The following LRMDA variants were observed in gnomAD, a reference collection of about 807,000 sequenced individuals.
LRMDA encodes leucine rich melanocyte differentiation associated.
In LRMDA, 18 loss-of-function variants were observed where a neutral mutation model predicts 29.8. The ratio of observed to expected loss-of-function variants is 0.60; its 90% CI spans 0.42 to 0.90. LRMDA has a LOEUF of 0.90. Ranked by LOEUF, LRMDA falls within the 40% of genes least tolerant of loss-of-function variation. The pLI is 0.00. For missense variants in LRMDA, 273 were observed against 273.9 expected, an observed-to-expected ratio of 1.00 and a Z score of 0.02; for synonymous variants, 125 against 109.4, an observed-to-expected ratio of 1.14 and a Z score of -0.89.
chr10:75,946,059 A>T (rs907849732), intron 2 of LRMDA, among the ~76,000 whole-genome samples: 5 of 152,210 alleles, frequency 3.3e-5, no homozygotes, highest in African/African-American at 1.2e-4. Context: ...TTCCCATGGG[A>T]GACATCAGAG....
chr10:75,621,947 C>T (rs1841193661), intron 2 of LRMDA, among the ~76,000 whole-genome samples: 1 of 152,168 alleles, frequency 6.6e-6, no homozygotes, highest in Admixed American at 6.5e-5. Flanking sequence ...ACTCTCTCTG[C>T]CTCTCACCAC....
intron 6 of LRMDA, among the ~76,000 whole-genome samples, chr10:76,393,438 C>T (rs1841746685): frequency 6.6e-6 from 1 of 152,030 alleles, no homozygotes; most frequent in Non-Finnish European, 1.5e-5. Flanking sequence ...ATTTTTTATA[C>T]ACCTGTTGAT....
rs371132399 is a variant in LRMDA, at chr10:76,034,842, C to T, written c.132-1166C>T. On this transcript the variant is annotated intron_variant, in intron 2 of 6. Coordinates refer to ENST00000611255, the MANE Select transcript of LRMDA (RefSeq NM_001305581.2). ...CTACGTGTCTCCCTCCCGTCCACAT[C>T]GTAGCTCAGCTGTCAGCCGGTGCAG... is the stretch of plus-strand genomic sequence containing the variant. Among the ~76,000 whole-genome samples, 15 of 152,296 alleles carry T rather than the reference C, an allele frequency of 9.8e-5. No individual in the cohort carries two copies. The East Asian group carries it at 1.5e-3, about 16-fold the overall frequency.
chr10:76,548,552 G>A (rs1052679356), intron 6 of LRMDA, among the ~76,000 whole-genome samples: 9 of 151,854 alleles, frequency 5.9e-5, no homozygotes, highest in African/African-American at 1.7e-4. Context: ...AGGGGTTGTT[G>A]GAGTAAGGAA....
At chr10:76,236,457 T>C (rs1274617251) in intron 5 of LRMDA, among the ~76,000 whole-genome samples, 1 of 152,230 alleles carries the variant, frequency 6.6e-6, no homozygotes, top group Non-Finnish European at 1.5e-5. Context: ...GCTAACCATT[T>C]TGAAGACCCC....
intron 2 of LRMDA, among the ~76,000 whole-genome samples, chr10:75,653,452 G>A (rs895863169): frequency 6.6e-6 from 1 of 152,298 alleles, no homozygotes; most frequent in Admixed American, 6.5e-5. Flanking sequence ...GATAAAGGAG[G>A]ACTCTAAATC....
At chr10:75,788,456 A>G (rs1843510755) in intron 2 of LRMDA, among the ~76,000 whole-genome samples, 1 of 152,244 alleles carries the variant, frequency 6.6e-6, no homozygotes, top group African/African-American at 2.4e-5. Flanking sequence ...GAAAAAGCAC[A>G]TGCTAGCTAG....
At chr10:75,504,014 C>T (rs182489551) in intron 2 of LRMDA, among the ~76,000 whole-genome samples, 22 of 92,706 alleles carry the variant, frequency 2.4e-4, no homozygotes, top group Non-Finnish European at 3.4e-4. Context: ...TTATTAATCC[C>T]ATTTTTTTTT....
intron 2 of LRMDA, among the ~76,000 whole-genome samples, chr10:75,908,877 G>T (rs769741364): frequency 6.6e-6 from 1 of 152,194 alleles, no homozygotes; most frequent in Non-Finnish European, 1.5e-5. Flanking sequence ...TGTGTGGAAA[G>T]CCATGTACTG....
At chr10:76,431,554 T>A (rs1245970693) in intron 6 of LRMDA, among the ~76,000 whole-genome samples, 1 of 152,246 alleles carries the variant, frequency 6.6e-6, no homozygotes, top group African/African-American at 2.4e-5. Flanking sequence ...AATGGTGCCT[T>A]GCTCTAGGGC....
At chr10:75,723,663 A>G (rs1229379947) in intron 2 of LRMDA, among the ~76,000 whole-genome samples, 1 of 152,220 alleles carries the variant, frequency 6.6e-6, no homozygotes, top group African/African-American at 2.4e-5. Flanking sequence ...CAGAAAGACA[A>G]TTAAAACTGA....
At chr10:76,262,745 GT>G (rs1002234182) in intron 5 of LRMDA, among the ~76,000 whole-genome samples, 1 of 152,064 alleles carries the variant, frequency 6.6e-6, no homozygotes, top group Admixed American at 6.5e-5. Context: ...GCTGGCCCCT[GT>G]TTTTTTCCCC....
At chr10:76,125,141 T>G in intron 5 of LRMDA, among the ~76,000 whole-genome samples, 1 of 152,252 alleles carries the variant, frequency 6.6e-6, no homozygotes, top group South Asian at 2.1e-4. Context: ...TAGATATTTA[T>G]TTCTCTTGTT....
chr10:76,163,713 A>G (rs147543323), intron 5 of LRMDA, among the ~76,000 whole-genome samples: 1 of 152,204 alleles, frequency 6.6e-6, no homozygotes, highest in African/African-American at 2.4e-5. Flanking sequence ...AAAAATGTGA[A>G]CTATGGTAGA....
chr10:75,442,919 C>A (rs1844345634), intron 2 of LRMDA, among the ~76,000 whole-genome samples: 1 of 151,748 alleles, frequency 6.6e-6, no homozygotes, highest in African/African-American at 2.4e-5. Flanking sequence ...GCTCTTTTAC[C>A]TCTTTGGTTA....
At chr10:75,752,366 C>T (rs1312678703) in intron 2 of LRMDA, among the ~76,000 whole-genome samples, 1 of 152,024 alleles carries the variant, frequency 6.6e-6, no homozygotes, top group African/African-American at 2.4e-5. Flanking sequence ...CGCCCGCCAC[C>T]AGGCCTAGCT....
chr10:75,522,625 A>AGAGGGGAC (rs545136026), intron 2 of LRMDA, among the ~76,000 whole-genome samples: 1 of 152,216 alleles, frequency 6.6e-6, no homozygotes, highest in Non-Finnish European at 1.5e-5. Context: ...CGTGAGTGGT[A>AGAGGGGAC]GAGGGGACCT....
At chr10:76,084,194 C>T (rs1292168598) in intron 5 of LRMDA, among the ~76,000 whole-genome samples, 4 of 150,592 alleles carry the variant, frequency 2.7e-5, no homozygotes, top group African/African-American at 9.9e-5. Context: ...TTTCTTTTCT[C>T]TATTTATTTA....
chr10:75,487,590 C>T (rs768663599), intron 2 of LRMDA, among the ~76,000 whole-genome samples: 2 of 152,168 alleles, frequency 1.3e-5, no homozygotes, highest in Non-Finnish European at 2.9e-5. Context: ...TTTCTCCTCC[C>T]ACCCCTCCTT....
Sources: allele counts gnomAD v4.1 joint callset (sites outside exome capture counted in the v4.1 genomes callset), GRCh38; gene constraint gnomAD v4.1.1; transcripts MANE v1.5; gene names NCBI Gene and HGNC (gene_info 2026-07-23, HGNC 2026-07-21).